RNF130: variants seen among roughly 807,000 people sequenced by gnomAD.
The protein encoded by RNF130 is ring finger protein 130, also known as E3 ubiquitin-protein ligase RNF130.
A neutral mutation model predicts 44.6 loss-of-function variants in RNF130; 21 were observed. That is an observed-to-expected ratio of 0.47 (90% CI 0.33 to 0.68). The LOEUF (loss-of-function observed/expected upper bound fraction) is 0.68, where lower values mean the gene tolerates loss of function less well. Ranked by LOEUF, RNF130 falls within the 30% of genes least tolerant of loss-of-function variation. The probability of loss-of-function intolerance (pLI) is 0.02; values close to 1 mark genes in which losing one functional copy is unlikely to be tolerated. For synonymous variants in RNF130, 214 were observed against 210.4 expected, an observed-to-expected ratio of 1.02 and a Z score of -0.15; for missense variants, 479 against 560.6, an observed-to-expected ratio of 0.85 and a Z score of 1.47.
intron 5 of RNF130, among the ~76,000 whole-genome samples, chr5:179,976,603 T>C (rs1353685256): frequency 1.3e-5 from 2 of 152,238 alleles, no homozygotes; most frequent in Non-Finnish European, 2.9e-5. Context: ...TTTAGTTTTA[T>C]AGATTTTCCT....
At chr5:179,964,498 A>G (rs544956707) in intron 7 of RNF130, 1 of 152,370 alleles carries the variant, frequency 6.6e-6, no homozygotes, top group East Asian at 1.9e-4. Context: ...AAAATGTTAT[A>G]CAATAAAATT....
chr5:180,010,699 T>G (rs1194059379), intron 3 of RNF130, among the ~76,000 whole-genome samples: 2 of 151,988 alleles, frequency 1.3e-5, no homozygotes, highest in East Asian at 1.9e-4. Flanking sequence ...ATGACAAAAC[T>G]ATAGAGATGA....
At chr5:179,924,786 C>CA (rs953659649) in intron 7 of RNF130, among the ~76,000 whole-genome samples, 7 of 150,428 alleles carry the variant, frequency 4.7e-5, no homozygotes, top group South Asian at 4.2e-4. Flanking sequence ...GAGGCTATCT[C>CA]AAAAAAAAAT....
intron 7 of RNF130, chr5:179,934,247 C>T (rs895501056): frequency 8.1e-5 from 13 of 160,710 alleles, no homozygotes; most frequent in Non-Finnish European, 1.2e-4. Flanking sequence ...TTAAAGTATA[C>T]GGTTCAGTCG....
Position 180,028,967 on chromosome 5 carries a change from A to G in RNF130, c.442+11486T>C, listed in dbSNP as rs371941440. Among the ~76,000 whole-genome samples the G allele has an allele frequency of 4.1e-4, 62 of 152,342 alleles. 1 individual carries two copies. The South Asian group carries it at 0.013, about 31-fold the overall frequency. On this transcript the variant is annotated intron_variant, in intron 2 of 8. Coordinates refer to ENST00000521389, the MANE Select transcript of RNF130 (RefSeq NM_018434.6). ...AAGAAAAATTGTACAACTGTTATAC[A>G]TTACAGTTTGTTAGCTCAATAAATT...
intron 7 of RNF130, among the ~76,000 whole-genome samples, chr5:179,930,970 T>C (rs1761799037): frequency 6.8e-6 from 1 of 147,254 alleles, no homozygotes; most frequent in East Asian, 2.0e-4. Context: ...GAGGCAGAGG[T>C]TGCAGTGAGC....
rs555828616 is a variant in RNF130 at position 180,041,842 on chromosome 5, C to T, written c.248-1195G>A. 7.2e-5 allele frequency among the ~76,000 whole-genome samples: 11 copies of T among 152,206 alleles called. No homozygotes were observed. The South Asian group carries it at 1.7e-3, about 23-fold the overall frequency. The stretch of plus-strand genomic sequence containing the variant: ...TGTTAATCCCAGCACTTTGGGAAGC[C>T]GAGGCAGGTAGATTGCTTGAGCCCA... On this transcript the variant is annotated intron_variant, in intron 1 of 8. Coordinates refer to ENST00000521389, the MANE Select transcript of RNF130 (RefSeq NM_018434.6).
intron 3 of RNF130, among the ~76,000 whole-genome samples, chr5:179,995,810 A>G (rs1281253388): frequency 6.6e-6 from 1 of 152,092 alleles, no homozygotes; most frequent in East Asian, 1.9e-4. Context: ...TGTCTCCCAA[A>G]TTTCTCTTTC....
At chr5:180,066,102 GCT>G (rs1765101779) in intron 1 of RNF130, among the ~76,000 whole-genome samples, 2 of 152,164 alleles carry the variant, frequency 1.3e-5, no homozygotes, top group African/African-American at 4.8e-5. Flanking sequence ...ATATGGTTTG[GCT>G]CTGTGTCCCC....
intron 5 of RNF130, among the ~76,000 whole-genome samples, chr5:179,970,752 T>C (rs893198988): frequency 2.6e-5 from 4 of 152,194 alleles, no homozygotes; most frequent in Admixed American, 2.6e-4. Flanking sequence ...GGCCTTTTAT[T>C]TTACCAAATT....
At chr5:179,985,144 AC>A (rs1270404848) in intron 3 of RNF130, among the ~76,000 whole-genome samples, 3 of 96,508 alleles carry the variant, frequency 3.1e-5, no homozygotes, top group African/African-American at 1.2e-4. Context: ...GAAACCCTTT[AC>A]CCCCTAACTT....
intron 3 of RNF130, among the ~76,000 whole-genome samples, chr5:180,000,904 G>A (rs1221206844): frequency 1.3e-5 from 2 of 152,122 alleles, no homozygotes; most frequent in Admixed American, 1.3e-4. Flanking sequence ...TGTTACTAGG[G>A]AATTACGTTC....
chr5:179,987,821 G>A (rs567330060), intron 3 of RNF130, among the ~76,000 whole-genome samples: 3 of 152,156 alleles, frequency 2.0e-5, no homozygotes, highest in African/African-American at 4.8e-5. Flanking sequence ...CAAATCCCAC[G>A]TTATATTGCT....
intron 7 of RNF130, among the ~76,000 whole-genome samples, chr5:179,938,050 G>A (rs931235731): frequency 5.3e-5 from 8 of 151,732 alleles, no homozygotes; most frequent in African/African-American, 1.2e-4. Flanking sequence ...CCAGACTCCC[G>A]GGCTCAAGTG....
chr5:179,957,966 C>T (rs1221185382), intron 8 of RNF130, among the ~76,000 whole-genome samples: 1 of 151,320 alleles, frequency 6.6e-6, no homozygotes, highest in African/African-American at 2.4e-5. Flanking sequence ...CAAGCTCCGC[C>T]TCCCGGGTTC....
intron 2 of RNF130, among the ~76,000 whole-genome samples, chr5:180,036,284 G>T (rs982880575): frequency 2.0e-5 from 3 of 152,132 alleles, no homozygotes; most frequent in African/African-American, 7.2e-5. Context: ...GTTTCTTCTT[G>T]TTCTATGTTC....
intron 3 of RNF130, among the ~76,000 whole-genome samples, chr5:179,994,519 T>A (rs924878163): frequency 6.6e-6 from 1 of 152,162 alleles, no homozygotes; most frequent in Non-Finnish European, 1.5e-5. Context: ...CCTGAGGATG[T>A]TACTATGATG....
intron 7 of RNF130, among the ~76,000 whole-genome samples, chr5:179,936,276 AT>A (rs893328969): frequency 1.3e-5 from 2 of 152,016 alleles, no homozygotes; most frequent in African/African-American, 4.8e-5. Flanking sequence ...ATTAAAAAAA[AT>A]TTTTTGTAGA....
intron 3 of RNF130, among the ~76,000 whole-genome samples, chr5:180,003,477 CTG>C (rs1010667439): frequency 2.6e-5 from 4 of 152,222 alleles, no homozygotes; most frequent in African/African-American, 9.6e-5. Flanking sequence ...TATCTCTTCT[CTG>C]TGTTAGGTAT....
Sources: gnomAD v4.1 joint callset for allele counts (sites outside exome capture counted in the v4.1 genomes callset) on GRCh38, gnomAD v4.1.1 for gene constraint, MANE v1.5 for transcripts, NCBI Gene and HGNC (gene_info 2026-07-23, HGNC 2026-07-21) for gene names.